The following KCNIP1 variants were observed in gnomAD, a reference collection of about 807,000 sequenced individuals.
KCNIP1 encodes A-type potassium channel modulatory protein KCNIP1.
KCNIP1 carries 18 observed loss-of-function variants against 33.0 expected under a neutral mutation model. The observed-to-expected ratio is 0.55, with a 90% CI of 0.38 to 0.81. KCNIP1 has a LOEUF of 0.81. KCNIP1 is among the 30% of genes least tolerant of loss of function. The pLI is 0.00. For missense variants in KCNIP1, 238 were observed against 271.6 expected (o/e 0.88, Z 0.87); for synonymous variants, 93 against 98.3 (o/e 0.95, Z 0.32).
At position 170,397,960 on chromosome 5, in the gene KCNIP1, A is replaced by G. The variant is rs563522156; in HGVS notation, c.88+43996A>G. 5.3e-5 allele frequency among the ~76,000 whole-genome samples: 8 copies of G among 152,354 alleles called. No individual in the cohort carries two copies. In the East Asian group the frequency reaches 9.6e-4, roughly 18 times the overall value. On this transcript the variant is annotated intron_variant, in intron 1 of 7. Coordinates refer to the KCNIP1 transcript ENST00000377360. ...ATTGGTTGAAAGAGTTATAATCTAT[A>G]GAAAGGGATGTTGGGGTTATAATAA...
At chr5:170,666,061 A>G (rs1019190340) in intron 1 of KCNIP1, among the ~76,000 whole-genome samples, 1 of 152,136 alleles carries the variant, frequency 6.6e-6, no homozygotes, top group African/African-American at 2.4e-5. Flanking sequence ...GAAGGAAGTC[A>G]CTGTGTGCAA....
At chr5:170,512,911 G>A (rs146873763) in intron 1 of KCNIP1, among the ~76,000 whole-genome samples, 2,899 of 152,304 alleles carry the variant, frequency 0.019, 93 homozygotes, top group East Asian at 0.14. Context: ...TTAGCCAGGC[G>A]TGGTGGCGGG....
At chr5:170,656,441 G>A (rs1405145458) in intron 1 of KCNIP1, among the ~76,000 whole-genome samples, 1 of 152,232 alleles carries the variant, frequency 6.6e-6, no homozygotes, top group Non-Finnish European at 1.5e-5. Flanking sequence ...CCATCCCTGA[G>A]CCTGAAGGAC....
At chr5:170,474,560 G>A (rs1756808309) in intron 1 of KCNIP1, among the ~76,000 whole-genome samples, 1 of 152,168 alleles carries the variant, frequency 6.6e-6, no homozygotes, top group South Asian at 2.1e-4. Context: ...CGAGCACCTA[G>A]TAAGCACCAG....
At position 170,489,583 on chromosome 5, in the gene KCNIP1, C is replaced by G. The variant is rs1000807878; in HGVS notation, c.88+135619C>G. On this transcript the variant is annotated intron_variant, in intron 1 of 7. Coordinates refer to the KCNIP1 transcript ENST00000377360. The surrounding 1 kb of genome is among the most constrained non-coding windows in gnomAD (Gnocchi z 4.3). Reference sequence around the variant, plus strand: ...CCTTCAGACAGTTCTGAGCAGACCACGCAAAATACAACTGTGATGTTATTT... The same window carrying G: ...CCTTCAGACAGTTCTGAGCAGACCAGGCAAAATACAACTGTGATGTTATTT... Among the ~76,000 whole-genome samples, 17 of 152,222 alleles carry G rather than the reference C, an allele frequency of 1.1e-4. No homozygotes were observed. The highest frequency in any genetic ancestry group is 8.5e-4 in the Admixed American group (13 of 15,286).
chr5:170,397,390 G>GA lies in KCNIP1; in HGVS notation c.88+43426_88+43427insA. Reference sequence around the variant, plus strand: ...AGAGCCAGCTAGAGAGTGAGGAGGGGTCAGGAGGGGCTTACATAGATATCA... The same window carrying GA: ...AGAGCCAGCTAGAGAGTGAGGAGGGGATCAGGAGGGGCTTACATAGATATCA... On this transcript the variant is annotated intron_variant, in intron 1 of 7. Coordinates refer to the KCNIP1 transcript ENST00000377360. Among the ~76,000 whole-genome samples the GA allele has an allele frequency of 2.6e-5, 4 of 152,306 alleles. 1 individual carries two copies. In the Middle Eastern group the frequency reaches 0.014, roughly 518 times the overall value.
chr5:170,504,150 G>C lies in KCNIP1; in HGVS notation c.-423G>C. 1.0e-6 allele frequency: 1 copy of C among 999,842 alleles called. No individual in the cohort carries two copies. The highest frequency in any genetic ancestry group is 1.2e-6 in the Non-Finnish European group (1 of 840,228). 61.9% of individuals were successfully genotyped at this position (999,842 alleles called of 1,614,324 possible). A position where few individuals can be genotyped will look rare whatever the true frequency, so the allele number is the denominator to read the frequency against. ...CCTCCGAGACCCAGCCCGAGCGCAG[G>C]GAGGGGAGCCGAGTGTGCGGCAGGA... On this transcript the variant is annotated 5_prime_UTR_variant, in exon 1 of 8. Transcript: ENST00000328939. The surrounding 1 kb of genome is among the most constrained non-coding windows in gnomAD (Gnocchi z 6.0).
intron 1 of KCNIP1, among the ~76,000 whole-genome samples, chr5:170,621,145 G>A (rs73801095): frequency 0.14 from 21,377 of 152,150 alleles, 1,892 homozygotes; most frequent in African/African-American, 0.24. Context: ...TCTGAGCCTC[G>A]ATTTTCCCAT....
At chr5:170,410,827 C>CAA (rs1755166767) in intron 1 of KCNIP1, among the ~76,000 whole-genome samples, 2 of 152,140 alleles carry the variant, frequency 1.3e-5, no homozygotes, top group South Asian at 4.1e-4. Context: ...GAGGTTGGCT[C>CAA]AGTGTAGGTG....
At position 170,378,901 on chromosome 5, in the gene KCNIP1, A is replaced by T. The variant is rs754879970; in HGVS notation, c.88+24937A>T. ...CAGTAGAAGACCTGCTGCTCTTGGA[A>T]TTTGGCTCTGACCTTCTCCACGTCG... On this transcript the variant is annotated intron_variant, in intron 1 of 7. Transcript: ENST00000377360. 7 of 1,614,186 alleles carry T rather than the reference A, an allele frequency of 4.3e-6. No individual in the cohort carries two copies. The Admixed American group carries it at 1.2e-4, about 27-fold the overall frequency.
chr5:170,676,518 G>T (rs1408945182), intron 1 of KCNIP1, among the ~76,000 whole-genome samples: 1 of 152,154 alleles, frequency 6.6e-6, no homozygotes, highest in African/African-American at 2.4e-5. Context: ...TTAAAGAAAA[G>T]AAAACTTCAA....
chr5:170,587,576 G>C (rs776540976), intron 1 of KCNIP1, among the ~76,000 whole-genome samples: 44 of 152,250 alleles, frequency 2.9e-4, no homozygotes, highest in Non-Finnish European at 1.5e-4. Context: ...TTCCTTGCCT[G>C]TTACAGCTTC....
intron 1 of KCNIP1, among the ~76,000 whole-genome samples, chr5:170,372,776 C>G (rs1051307096): frequency 1.3e-5 from 2 of 152,174 alleles, no homozygotes; most frequent in African/African-American, 4.8e-5. Context: ...GTAAAAGGGG[C>G]TCCAGAATTG....
intron 1 of KCNIP1, among the ~76,000 whole-genome samples, chr5:170,385,093 T>C (rs924746339): frequency 6.6e-6 from 1 of 152,210 alleles, no homozygotes; most frequent in African/African-American, 2.4e-5. Flanking sequence ...TCCTAGATCA[T>C]GTGTCTGTTA....
chr5:170,496,711 G>A (rs1389658207), intron 1 of KCNIP1, among the ~76,000 whole-genome samples: 1 of 152,138 alleles, frequency 6.6e-6, no homozygotes, highest in African/African-American at 2.4e-5. Context: ...AGAAAGACAA[G>A]GAATTCTAAC....
chr5:170,383,589 T>C, intron 1 of KCNIP1: 1 of 1,447,340 alleles, frequency 6.9e-7, no homozygotes, highest in South Asian at 1.2e-5. Flanking sequence ...GGGTTGATCT[T>C]TCTCAGCCTC....
intron 1 of KCNIP1, among the ~76,000 whole-genome samples, chr5:170,392,198 G>A (rs775216231): frequency 2.0e-5 from 3 of 152,106 alleles, no homozygotes; most frequent in Admixed American, 6.5e-5. Flanking sequence ...AAATCTCACC[G>A]GGCATGGGAG....
chr5:170,680,244 C>T (rs1239971825), intron 1 of KCNIP1, among the ~76,000 whole-genome samples: 1 of 152,172 alleles, frequency 6.6e-6, no homozygotes, highest in Non-Finnish European at 1.5e-5. Context: ...TCCCTTTTCC[C>T]CATGTCAAGC....
chr5:170,477,084 T>A (rs1756872011), intron 1 of KCNIP1, among the ~76,000 whole-genome samples: 2 of 152,158 alleles, frequency 1.3e-5, no homozygotes, highest in South Asian at 4.1e-4. Context: ...TCTCTGTACT[T>A]TCTGCTCAAT....
Sources: gnomAD v4.1 joint callset for allele counts (sites outside exome capture counted in the v4.1 genomes callset) on GRCh38, gnomAD v4.1.1 for gene constraint, Gnocchi (gnomAD v3.1) non-coding constraint, MANE v1.5 for transcripts, NCBI Gene and HGNC (gene_info 2026-07-23, HGNC 2026-07-21) for gene names.